TSHZ2: variants seen among roughly 807,000 people sequenced by gnomAD.
TSHZ2 encodes the protein teashirt homolog 2.
Under a neutral mutation model 74.4 loss-of-function variants are expected in TSHZ2, and 21 were observed. The ratio of observed to expected loss-of-function variants is 0.28; its 90% CI spans 0.20 to 0.41. The LOEUF (loss-of-function observed/expected upper bound fraction) is 0.41. Ranked by LOEUF, TSHZ2 falls within the 10% of genes least tolerant of loss-of-function variation. The pLI is 1.00. For synonymous variants in TSHZ2, 540 were observed against 515.3 expected (o/e 1.05, Z -0.65); for missense variants, 1,244 against 1,293.5 (o/e 0.96, Z 0.59).
chr20:53,202,197 T>C (rs748123880), intron 1 of TSHZ2, among the ~76,000 whole-genome samples: 37 of 152,214 alleles, frequency 2.4e-4, no homozygotes, highest in Non-Finnish European at 4.3e-4. Context: ...TCCTCGGTGA[T>C]TGGAGCATTG....
chr20:53,231,234 C>T (rs140009506), intron 1 of TSHZ2, among the ~76,000 whole-genome samples: 216 of 152,242 alleles, frequency 1.4e-3, no homozygotes, highest in African/African-American at 4.0e-3. Context: ...CATATTGTGA[C>T]GGGAGACAGA....
intron 1 of TSHZ2, among the ~76,000 whole-genome samples, chr20:53,008,915 A>C (rs1982742302): frequency 6.6e-6 from 1 of 152,062 alleles, no homozygotes; most frequent in Admixed American, 6.6e-5. Flanking sequence ...GAGATTAACA[A>C]CAATAAAAAA....
chr20:53,042,554 T>A (rs1984079206), intron 1 of TSHZ2, among the ~76,000 whole-genome samples: 2 of 152,264 alleles, frequency 1.3e-5, no homozygotes, highest in East Asian at 3.9e-4. Flanking sequence ...ATTTGCCTAA[T>A]GAAACATGAA....
intron 2 of TSHZ2, among the ~76,000 whole-genome samples, chr20:53,310,972 A>G (rs1012235041): frequency 1.3e-5 from 2 of 152,220 alleles, no homozygotes; most frequent in African/African-American, 4.8e-5. Context: ...GGCTGCCAAA[A>G]TGTGCAAAAT....
intron 1 of TSHZ2, among the ~76,000 whole-genome samples, chr20:53,206,037 G>A (rs1319502354): frequency 1.3e-5 from 2 of 152,122 alleles, no homozygotes; most frequent in African/African-American, 4.8e-5. Context: ...TTACCAAAGT[G>A]GTGAAACCCC....
chr20:53,068,889 A>C (rs147562594), intron 1 of TSHZ2, among the ~76,000 whole-genome samples: 2,136 of 151,870 alleles, frequency 0.014, 52 homozygotes, highest in African/African-American at 0.044. Flanking sequence ...TTTTTCCATA[A>C]AGAACTGAGG....
intron 1 of TSHZ2, among the ~76,000 whole-genome samples, chr20:53,113,179 T>C (rs956134197): frequency 6.6e-6 from 1 of 152,248 alleles, no homozygotes. Context: ...TCTGGTGTTA[T>C]ATCTGTCTGT....
intron 1 of TSHZ2, among the ~76,000 whole-genome samples, chr20:53,226,427 G>GGTGTGTGTGTGT (rs762992567): frequency 8.8e-4 from 131 of 149,666 alleles, no homozygotes; most frequent in African/African-American, 2.9e-3. Context: ...TGTGTGGGTC[G>GGTGTGTGTGTGT]GTGTGTGTAT....
intron 1 of TSHZ2, among the ~76,000 whole-genome samples, chr20:53,246,126 G>A (rs138991777): frequency 2.0e-3 from 299 of 149,728 alleles, no homozygotes; most frequent in Non-Finnish European, 3.0e-3. Context: ...TGCAACCTCC[G>A]CCTCCCATGT....
intron 2 of TSHZ2, chr20:53,461,642 G>A (rs907689830): frequency 2.0e-5 from 3 of 152,154 alleles, no homozygotes; most frequent in Non-Finnish European, 4.4e-5. Context: ...GAATATAAAT[G>A]AGAGTAAGAA....
chr20:53,208,142 C>T (rs895695025), intron 1 of TSHZ2, among the ~76,000 whole-genome samples: 2 of 152,160 alleles, frequency 1.3e-5, no homozygotes, highest in Non-Finnish European at 1.5e-5. Context: ...GATGGTAAAT[C>T]GCATTCGCCC....
intron 2 of TSHZ2, among the ~76,000 whole-genome samples, chr20:53,418,406 C>T (rs934928866): frequency 2.0e-5 from 3 of 152,146 alleles, no homozygotes; most frequent in Non-Finnish European, 4.4e-5. Flanking sequence ...AGGATATACC[C>T]GAGGCTGGGC....
chr20:53,402,049 C>G lies in TSHZ2; in HGVS notation c.*9-85095C>G, dbSNP rs952282181. Reference sequence around the variant, plus strand: ...CTGCCCGCCTTGGCCTCTCAAAGTGCCGGGATTACAGGCGTGAGCCACCGT... The same window carrying G: ...CTGCCCGCCTTGGCCTCTCAAAGTGGCGGGATTACAGGCGTGAGCCACCGT... On this transcript the variant is annotated intron_variant, in intron 2 of 2. Transcript: ENST00000371497. Among the ~76,000 whole-genome samples, 3 of 152,090 alleles carry G rather than the reference C, an allele frequency of 2.0e-5. No homozygotes were observed. The East Asian group carries it at 5.8e-4, about 29-fold the overall frequency.
At chr20:53,081,467 A>G (rs1404561248) in intron 1 of TSHZ2, among the ~76,000 whole-genome samples, 6 of 152,214 alleles carry the variant, frequency 3.9e-5, no homozygotes, top group Non-Finnish European at 7.4e-5. Flanking sequence ...GAACCAGGCC[A>G]TGTAGAAATA....
At chr20:53,139,721 C>A (rs1287912763) in intron 1 of TSHZ2, among the ~76,000 whole-genome samples, 2 of 100,288 alleles carry the variant, frequency 2.0e-5, no homozygotes, top group African/African-American at 5.8e-5. Flanking sequence ...TGTTTACACT[C>A]CTAATGATAA....
intron 2 of TSHZ2, among the ~76,000 whole-genome samples, chr20:53,472,286 T>C (rs534969587): frequency 1.7e-4 from 26 of 152,208 alleles, no homozygotes; most frequent in Admixed American, 9.8e-4. Flanking sequence ...GTGTGCACAA[T>C]TGCAGGTGGC....
At chr20:53,151,065 G>A (rs1215848624) in intron 1 of TSHZ2, among the ~76,000 whole-genome samples, 2 of 152,156 alleles carry the variant, frequency 1.3e-5, no homozygotes, top group African/African-American at 4.8e-5. Context: ...GAGCATCAAT[G>A]TATTTAAGGC....
At chr20:53,044,945 C>T (rs985823129) in intron 1 of TSHZ2, among the ~76,000 whole-genome samples, 2 of 152,252 alleles carry the variant, frequency 1.3e-5, no homozygotes, top group East Asian at 1.9e-4. Flanking sequence ...CTCCTGGCCT[C>T]GAGTGATCCT....
chr20:53,020,819 G>C (rs1044490959), intron 1 of TSHZ2, among the ~76,000 whole-genome samples: 3 of 152,160 alleles, frequency 2.0e-5, no homozygotes, highest in Non-Finnish European at 4.4e-5. Flanking sequence ...TCTTCTACCT[G>C]GAGAGAAATC....
Sources: allele counts gnomAD v4.1 joint callset (sites outside exome capture counted in the v4.1 genomes callset), GRCh38; gene constraint gnomAD v4.1.1; transcripts MANE v1.5; gene names NCBI Gene and HGNC (gene_info 2026-07-23, HGNC 2026-07-21).